Variants in DPF3 observed in about 807,000 individuals in gnomAD.
DPF3 encodes the protein double PHD fingers 3.
In DPF3, 18 loss-of-function variants were observed where a neutral mutation model predicts 56.8. The observed-to-expected ratio is 0.32, with a 90% CI of 0.22 to 0.47. The LOEUF is 0.47. Ranked by LOEUF, DPF3 falls within the 20% of genes least tolerant of loss-of-function variation. The pLI, the probability that DPF3 is intolerant of heterozygous loss-of-function variation, is 1.00. For missense variants in DPF3, 403 were observed against 488.8 expected (o/e 0.82, Z 1.65); for synonymous variants, 188 against 180.2 (o/e 1.04, Z -0.35).
chr14:72,638,819 A>ATTTTTT lies in DPF3; in HGVS notation c.872-9089_872-9084dup, dbSNP rs71109742. On this transcript the variant is annotated intron_variant, in intron 8 of 10. Transcript: ENST00000556509. ...ATGACACTTAGACACTTTGTTTTAC[A>ATTTTTT]TTTTTTTTTTTTTTTGAGACGGAGT... 2.5e-4 allele frequency among the ~76,000 whole-genome samples: 35 copies of ATTTTTT among 141,724 alleles called. 1 individual carries two copies. In the East Asian group the frequency reaches 6.7e-3, roughly 27 times the overall value. 93.0% of individuals were successfully genotyped at this position (141,724 alleles called of 152,430 possible).
intron 1 of DPF3, among the ~76,000 whole-genome samples, chr14:72,839,681 C>T (rs1884467102): frequency 6.6e-6 from 1 of 152,166 alleles, no homozygotes; most frequent in African/African-American, 2.4e-5. Flanking sequence ...GGGACAGTAG[C>T]CCAAACAGGC....
chr14:72,846,587 C>G (rs550867118), intron 1 of DPF3, among the ~76,000 whole-genome samples: 2 of 152,058 alleles, frequency 1.3e-5, no homozygotes, highest in Non-Finnish European at 2.9e-5. Context: ...CTGCCCACCT[C>G]GGCCTCCCAA....
intron 1 of DPF3, among the ~76,000 whole-genome samples, chr14:72,820,019 GA>G (rs1474270003): frequency 7.2e-5 from 11 of 152,174 alleles, no homozygotes; most frequent in South Asian, 4.1e-4. Flanking sequence ...CAGTTACAGA[GA>G]GGGGGTGAGT....
chr14:72,796,205 C>T (rs145236760), intron 1 of DPF3, among the ~76,000 whole-genome samples: 63 of 152,274 alleles, frequency 4.1e-4, no homozygotes, highest in African/African-American at 1.4e-3. Context: ...GCATCCCTTT[C>T]CCCATCTATA....
At chr14:72,733,885 T>C (rs896665352) in intron 3 of DPF3, among the ~76,000 whole-genome samples, 3 of 152,140 alleles carry the variant, frequency 2.0e-5, no homozygotes, top group African/African-American at 7.2e-5. Context: ...TGCACACCTG[T>C]GGGTGACCGG....
At chr14:72,882,028 C>A (rs1035711843) in intron 1 of DPF3, among the ~76,000 whole-genome samples, 6 of 152,128 alleles carry the variant, frequency 3.9e-5, no homozygotes, top group African/African-American at 1.4e-4. Flanking sequence ...TCTGATATCG[C>A]CCCCAAAGGC....
intron 7 of DPF3, chr14:72,675,324 C>T (rs1462188021): frequency 1.3e-5 from 2 of 152,134 alleles, no homozygotes; most frequent in Non-Finnish European, 2.9e-5. Context: ...TTCCCTTTTT[C>T]TGTTTCTCCC....
At chr14:72,671,803 C>T (rs2153570437) in intron 8 of DPF3, among the ~76,000 whole-genome samples, 1 of 152,322 alleles carries the variant, frequency 6.6e-6, no homozygotes, top group South Asian at 2.1e-4. Context: ...ATAACCCATT[C>T]AAGGTGGTTA....
Position 72,613,422 on chromosome 14 carries a change from T to C in DPF3, c.*5875A>G, listed in dbSNP as rs1435681669. Among the ~76,000 whole-genome samples, 2 of 152,228 alleles carry C rather than the reference T, an allele frequency of 1.3e-5. No individual in the cohort carries two copies. Among genetic ancestry groups the C allele is most frequent in the African/African-American group, 4.8e-5 (2 of 41,460 alleles). ...GCCAGTCCTGGTTCCTGCCTTCCTC[T>C]GGCCTGCCCTGGGAAATGTCGCCAT... On this transcript the variant is annotated 3_prime_UTR_variant, in exon 11 of 11. Coordinates refer to ENST00000556509, the MANE Select transcript of DPF3 (RefSeq NM_001280542.3).
intron 1 of DPF3, among the ~76,000 whole-genome samples, chr14:72,828,554 T>TAAAAAAAAAAAAAAAAAAAAAAAA: frequency 5.0e-5 from 1 of 19,838 alleles, no homozygotes; most frequent in Non-Finnish European, 1.2e-4. Flanking sequence ...AAAAAAAAAC[T>TAAAAAAAAAAAAAAAAAAAAAAAA]TAATATGATT....
chr14:72,733,007 C>T (rs1889732954), intron 3 of DPF3, among the ~76,000 whole-genome samples: 1 of 152,034 alleles, frequency 6.6e-6, no homozygotes, highest in South Asian at 2.1e-4. Context: ...TCATAGCTCA[C>T]TGCAGCCTCA....
rs965929869 is a variant in DPF3, at chr14:72,615,735, T to A, written c.*3562A>T. On this transcript the variant is annotated 3_prime_UTR_variant, in exon 11 of 11. Coordinates refer to ENST00000556509, the MANE Select transcript of DPF3 (RefSeq NM_001280542.3). ...GCCTTGGGACCTGCTGGCTCCTGCT[T>A]CAGGGGCGATGAGTCAGTGAGGGGT... is the stretch of plus-strand genomic sequence containing the variant. Among the ~76,000 whole-genome samples the A allele has an allele frequency of 1.3e-5, 2 of 152,228 alleles. No individual in the cohort carries two copies. The highest frequency in any genetic ancestry group is 4.8e-5 in the African/African-American group (2 of 41,448).
intron 7 of DPF3, among the ~76,000 whole-genome samples, chr14:72,680,553 A>G (rs1298537740): frequency 6.6e-6 from 1 of 152,248 alleles, no homozygotes; most frequent in Admixed American, 6.5e-5. Context: ...AGCTCTGAGG[A>G]CACCGTGAAT....
At chr14:72,669,906 T>G in intron 8 of DPF3, 1 of 985,942 alleles carries the variant, frequency 1.0e-6, no homozygotes, top group Non-Finnish European at 1.2e-6. Flanking sequence ...AAAAAATAGA[T>G]ATGATGGTTT....
chr14:72,673,882 C>G (rs1886796399), intron 8 of DPF3: 1 of 207,250 alleles, frequency 4.8e-6, no homozygotes, highest in African/African-American at 2.3e-5. Flanking sequence ...ACAAACTCAT[C>G]TTTCTGTTAC....
chr14:72,753,130 A>T, intron 3 of DPF3, 134 bp downstream of exon 3: 1 of 713,878 alleles, frequency 1.4e-6, no homozygotes, highest in Non-Finnish European at 2.3e-6. Flanking sequence ...ACCCTTAAGC[A>T]TGATGTGGGC....
At chr14:72,846,209 C>T (rs939516943) in intron 1 of DPF3, among the ~76,000 whole-genome samples, 21 of 151,708 alleles carry the variant, frequency 1.4e-4, no homozygotes, top group African/African-American at 4.8e-4. Context: ...CTCCTGTGCT[C>T]GAGCAATTCT....
intron 6 of DPF3, among the ~76,000 whole-genome samples, chr14:72,708,031 T>C (rs1054084468): frequency 4.6e-5 from 7 of 152,078 alleles, no homozygotes; most frequent in African/African-American, 1.7e-4. Flanking sequence ...TACACAGAAA[T>C]AGGAATTGTC....
intron 1 of DPF3, among the ~76,000 whole-genome samples, chr14:72,863,555 T>TAAAAAA (rs76280301): frequency 9.6e-6 from 1 of 104,344 alleles, no homozygotes; most frequent in African/African-American, 3.4e-5. Context: ...TGTAGGATTC[T>TAAAAAA]AAAAAAAAAA....
Sources: allele counts gnomAD v4.1 joint callset (sites outside exome capture counted in the v4.1 genomes callset), GRCh38; gene constraint gnomAD v4.1.1; transcripts MANE v1.5; gene names NCBI Gene and HGNC (gene_info 2026-07-23, HGNC 2026-07-21).